SUGCT: variants seen among roughly 807,000 people sequenced by gnomAD.
SUGCT encodes succinyl-CoA:glutarate CoA-transferase.
In SUGCT, 41 loss-of-function variants were observed where a neutral mutation model predicts 55.0. That is an observed-to-expected ratio of 0.74 (90% CI 0.58 to 0.97). The LOEUF (loss-of-function observed/expected upper bound fraction) is 0.97. Among genes scored for constraint, SUGCT ranks in the 50% least tolerant of loss-of-function variants. The pLI is 0.00. For missense variants in SUGCT, 568 were observed against 547.8 expected (o/e 1.04, Z -0.37); for synonymous variants, 187 against 200.4 (o/e 0.93, Z 0.56).
intron 9 of SUGCT, among the ~76,000 whole-genome samples, chr7:40,439,070 A>ATATATGTGTG (rs1788345049): frequency 1.9e-5 from 1 of 52,480 alleles, no homozygotes; most frequent in Admixed American, 2.0e-4. Context: ...TGGTGTATAT[A>ATATATGTGTG]TATATATATA....
At chr7:40,854,194 G>A (rs1007528034) in intron 13 of SUGCT, among the ~76,000 whole-genome samples, 2 of 152,000 alleles carry the variant, frequency 1.3e-5, no homozygotes, top group African/African-American at 4.8e-5. Flanking sequence ...CTTGTATGAT[G>A]TAACTTATTA....
At chr7:40,909,238 G>A in the SUGCT span, among the ~76,000 whole-genome samples, 1 of 152,136 alleles carries the variant, frequency 6.6e-6, no homozygotes, top group Non-Finnish European at 1.5e-5. Context: ...CCAAGGACAG[G>A]CCAAGGTCTG....
At chr7:40,173,146 TGTTAC>T (rs1784756487) in intron 1 of SUGCT, among the ~76,000 whole-genome samples, 1 of 152,132 alleles carries the variant, frequency 6.6e-6, no homozygotes, top group African/African-American at 2.4e-5. Flanking sequence ...ATGCAGTGAG[TGTTAC>T]ACCTCTGTTA....
intron 13 of SUGCT, among the ~76,000 whole-genome samples, chr7:40,857,352 G>C (rs1232785881): frequency 6.6e-6 from 1 of 152,102 alleles, no homozygotes; most frequent in East Asian, 1.9e-4. Context: ...ATTTCAAATG[G>C]CTCATGGGAA....
chr7:40,219,277 A>G (rs1787886774), intron 6 of SUGCT, among the ~76,000 whole-genome samples: 1 of 152,068 alleles, frequency 6.6e-6, no homozygotes, highest in Non-Finnish European at 1.5e-5. Context: ...GAACTGTAAC[A>G]CTCACCGCGA....
intron 12 of SUGCT, among the ~76,000 whole-genome samples, chr7:40,703,323 GC>G (rs1400605995): frequency 6.6e-6 from 1 of 152,036 alleles, no homozygotes; most frequent in Non-Finnish European, 1.5e-5. Flanking sequence ...CGGGGTCCTT[GC>G]CAGGGTCCGA....
At chr7:40,409,157 G>C (rs1205829079) in intron 9 of SUGCT, among the ~76,000 whole-genome samples, 1 of 152,094 alleles carries the variant, frequency 6.6e-6, no homozygotes, top group Non-Finnish European at 1.5e-5. Context: ...GTTTTACCAT[G>C]ATGCCCAGGC....
intron 1 of SUGCT, among the ~76,000 whole-genome samples, chr7:40,166,764 G>A (rs183042440): frequency 1.3e-5 from 2 of 152,064 alleles, no homozygotes; most frequent in East Asian, 3.9e-4. Context: ...GTGGGTGCCT[G>A]TAATTCCAGC....
chr7:40,195,205 T>A (rs1277950193), intron 6 of SUGCT, 145 bp downstream of exon 6: 2 of 819,570 alleles, frequency 2.4e-6, no homozygotes, highest in East Asian at 5.7e-5. Context: ...GTTGCTGAAC[T>A]TACTTTTTTC....
At chr7:40,583,519 A>G (rs1584048649) in intron 12 of SUGCT, among the ~76,000 whole-genome samples, 1 of 152,172 alleles carries the variant, frequency 6.6e-6, no homozygotes, top group South Asian at 2.1e-4. Context: ...CATTGAGTCA[A>G]TTATTTTACC....
At chr7:40,377,186 C>CTTT (rs1300746604) in intron 9 of SUGCT, among the ~76,000 whole-genome samples, 2 of 13,530 alleles carry the variant, frequency 1.5e-4, no homozygotes, top group Non-Finnish European at 8.8e-4. Context: ...TTCTTTCTTT[C>CTTT]TTTCTTTCTT....
the SUGCT span, among the ~76,000 whole-genome samples, chr7:40,894,993 A>G: frequency 6.6e-6 from 1 of 152,228 alleles, no homozygotes; most frequent in African/African-American, 2.4e-5. Context: ...TCGTTCTACC[A>G]TAAATACACA....
chr7:40,699,147 A>T (rs1478099865), intron 12 of SUGCT, among the ~76,000 whole-genome samples: 2 of 152,162 alleles, frequency 1.3e-5, no homozygotes, highest in Non-Finnish European at 2.9e-5. Flanking sequence ...TCAATGTGCC[A>T]AATATTTATG....
chr7:40,607,178 C>T lies in SUGCT; in HGVS notation c.1089+110792C>T, dbSNP rs904976853. 2.9e-4 allele frequency among the ~76,000 whole-genome samples: 44 copies of T among 151,154 alleles called. 1 individual carries two copies. Among genetic ancestry groups the T allele is most frequent in the Admixed American group, 6.6e-4 (10 of 15,216 alleles). On this transcript the variant is annotated intron_variant, in intron 12 of 13. Coordinates refer to ENST00000335693, the MANE Select transcript of SUGCT (RefSeq NM_001193313.2). ...GGAGTGCAGTGATACAATTATAGCT[C>T]ACTACAGCCTCAACCTCTGGGCTCA...
chr7:40,890,713 A>C, the SUGCT span, among the ~76,000 whole-genome samples: 1 of 152,218 alleles, frequency 6.6e-6, no homozygotes, highest in Non-Finnish European at 1.5e-5. Flanking sequence ...GTCTGTAAAG[A>C]CTGGAGGAGG....
the SUGCT span, among the ~76,000 whole-genome samples, chr7:40,874,729 T>G: frequency 6.6e-6 from 1 of 152,202 alleles, no homozygotes; most frequent in African/African-American, 2.4e-5. Flanking sequence ...AAGAGTTGTA[T>G]TGGAAGATGG....
chr7:40,977,819 G>A, the SUGCT span, among the ~76,000 whole-genome samples: 1 of 152,126 alleles, frequency 6.6e-6, no homozygotes, highest in South Asian at 2.1e-4. Flanking sequence ...CCCTACCTGG[G>A]CAGATCTTAT....
At chr7:40,862,750 T>C (rs1794517008), downstream of SUGCT, among the ~76,000 whole-genome samples, 1 of 151,496 alleles carries the variant, frequency 6.6e-6, no homozygotes, top group East Asian at 1.9e-4. Flanking sequence ...TTTTTTTTAT[T>C]CTGAAACTTT....
the SUGCT span, among the ~76,000 whole-genome samples, chr7:40,952,336 C>G: frequency 6.6e-6 from 1 of 151,964 alleles, no homozygotes; most frequent in African/African-American, 2.4e-5. Context: ...TTATTTTGAG[C>G]CTATGTGTGT....
Sources: allele counts gnomAD v4.1 joint callset (sites outside exome capture counted in the v4.1 genomes callset), GRCh38; gene constraint gnomAD v4.1.1; transcripts MANE v1.5; gene names NCBI Gene and HGNC (gene_info 2026-07-23, HGNC 2026-07-21).